Variants in NBAS observed in about 807,000 individuals in gnomAD.
The protein encoded by NBAS is NAG/BC035112 fusion.
Under a neutral mutation model 302.5 loss-of-function variants are expected in NBAS, and 219 were observed. The ratio of observed to expected loss-of-function variants is 0.72; its 90% CI spans 0.65 to 0.81. The LOEUF is 0.81. Among genes scored for constraint, NBAS ranks in the 30% least tolerant of loss-of-function variants. The pLI, the probability that NBAS is intolerant of heterozygous loss-of-function variation, is 0.00. For missense variants in NBAS, 2,932 were observed against 2,841.6 expected, an observed-to-expected ratio of 1.03 and a Z score of -0.72; for synonymous variants, 1,118 against 1,021.6, an observed-to-expected ratio of 1.09 and a Z score of -1.80.
At chr2:15,153,313 G>A in the NBAS span, among the ~76,000 whole-genome samples, 1 of 152,202 alleles carries the variant, frequency 6.6e-6, no homozygotes, top group Non-Finnish European at 1.5e-5. Context: ...AGAATGAACT[G>A]CACAATGTGC....
chr2:14,784,272 G>C, the NBAS span, among the ~76,000 whole-genome samples: 1 of 152,162 alleles, frequency 6.6e-6, no homozygotes, highest in Non-Finnish European at 1.5e-5. Flanking sequence ...TAGGTTGCCT[G>C]TTCACTCTGA....
At chr2:15,280,424 T>C (rs551648193) in intron 42 of NBAS, among the ~76,000 whole-genome samples, 65 of 151,782 alleles carry the variant, frequency 4.3e-4, no homozygotes, top group African/African-American at 1.5e-3. Context: ...ATAAAGAGGA[T>C]GGGGAAGGGC....
At chr2:14,941,870 T>C in the NBAS span, among the ~76,000 whole-genome samples, 2 of 152,184 alleles carry the variant, frequency 1.3e-5, no homozygotes, top group Non-Finnish European at 1.5e-5. Context: ...GCAAACATAA[T>C]ACCCACAGAG....
chr2:14,794,250 C>T, the NBAS span, among the ~76,000 whole-genome samples: 2 of 152,200 alleles, frequency 1.3e-5, no homozygotes, highest in East Asian at 3.9e-4. Flanking sequence ...GTCCGCTGGG[C>T]GCGCATCCTT....
chr2:15,493,280 A>C (rs955967820), intron 11 of NBAS, among the ~76,000 whole-genome samples: 24 of 152,206 alleles, frequency 1.6e-4, no homozygotes, highest in African/African-American at 5.8e-4. Context: ...TCTTTATAGC[A>C]GTGTGAAAAT....
chr2:14,791,811 A>AATAC, the NBAS span, among the ~76,000 whole-genome samples: 1 of 134,930 alleles, frequency 7.4e-6, no homozygotes, highest in Non-Finnish European at 1.7e-5. Context: ...CTCATAAATA[A>AATAC]ATAAATAAAT....
chr2:15,237,832 G>A (rs1319506823), intron 45 of NBAS, among the ~76,000 whole-genome samples: 3 of 148,166 alleles, frequency 2.0e-5, no homozygotes, highest in African/African-American at 7.4e-5. Context: ...TGGAGTGCAG[G>A]GGCGTGATCT....
the NBAS span, among the ~76,000 whole-genome samples, chr2:14,915,092 G>C: frequency 6.6e-6 from 1 of 152,246 alleles, no homozygotes; most frequent in Non-Finnish European, 1.5e-5. Context: ...GAGCACCAAG[G>C]CTTCCAGTGA....
At chr2:14,966,795 T>C in the NBAS span, among the ~76,000 whole-genome samples, 1 of 152,004 alleles carries the variant, frequency 6.6e-6, no homozygotes, top group South Asian at 2.1e-4. Context: ...AGAAGTCCTC[T>C]TTAGGGCAAT....
At chr2:15,087,574 A>C in the NBAS span, among the ~76,000 whole-genome samples, 1 of 152,222 alleles carries the variant, frequency 6.6e-6, no homozygotes, top group African/African-American at 2.4e-5. Context: ...GTTCTCAGAG[A>C]ACTCGTCAGC....
chr2:15,413,097 C>G (rs1211855007), intron 25 of NBAS, among the ~76,000 whole-genome samples: 2 of 152,216 alleles, frequency 1.3e-5, no homozygotes, highest in Non-Finnish European at 2.9e-5. Context: ...AAACCCTAAC[C>G]CATTCCTTTA....
At chr2:14,854,447 A>G in the NBAS span, among the ~76,000 whole-genome samples, 1 of 152,154 alleles carries the variant, frequency 6.6e-6, no homozygotes, top group Admixed American at 6.5e-5. Context: ...TACACAGAAA[A>G]AAAACCCCTT....
chr2:15,288,428 G>C (rs372672621), intron 41 of NBAS, among the ~76,000 whole-genome samples: 167 of 152,288 alleles, frequency 1.1e-3, no homozygotes, highest in African/African-American at 3.3e-3. Flanking sequence ...AGGGAGAAGA[G>C]CCTTCTGAGA....
chr2:15,545,826 G>A (rs1664080274), intron 6 of NBAS, among the ~76,000 whole-genome samples: 1 of 152,214 alleles, frequency 6.6e-6, no homozygotes, highest in Admixed American at 6.5e-5. Context: ...CCAGGAAGAT[G>A]TTACAAAAGA....
At chr2:14,819,240 G>A in the NBAS span, among the ~76,000 whole-genome samples, 1 of 152,320 alleles carries the variant, frequency 6.6e-6, no homozygotes, top group East Asian at 1.9e-4. Flanking sequence ...ATGAAAGGAA[G>A]ACTTTTGTAG....
the NBAS span, among the ~76,000 whole-genome samples, chr2:15,082,710 C>A: frequency 4.6e-5 from 7 of 152,196 alleles, no homozygotes; most frequent in Non-Finnish European, 1.0e-4. Context: ...CTCACTTCCC[C>A]AAACTTAGAG....
chr2:15,260,504 C>T (rs1668799816), intron 44 of NBAS, among the ~76,000 whole-genome samples: 1 of 152,052 alleles, frequency 6.6e-6, no homozygotes, highest in South Asian at 2.1e-4. Flanking sequence ...ACCCAACCAA[C>T]TGGCCAATGG....
the NBAS span, among the ~76,000 whole-genome samples, chr2:14,960,106 C>T: frequency 2.0e-5 from 3 of 152,166 alleles, no homozygotes; most frequent in Non-Finnish European, 2.9e-5. Context: ...CATCATCTGC[C>T]ATATGGAACA....
At chr2:15,105,037 A>C in the NBAS span, among the ~76,000 whole-genome samples, 2 of 152,186 alleles carry the variant, frequency 1.3e-5, no homozygotes, top group African/African-American at 4.8e-5. Context: ...CTGGATAAAA[A>C]AAAAATGTGA....
Sources: gnomAD v4.1 joint callset for allele counts (sites outside exome capture counted in the v4.1 genomes callset) on GRCh38, gnomAD v4.1.1 for gene constraint, MANE v1.5 for transcripts, NCBI Gene and HGNC (gene_info 2026-07-23, HGNC 2026-07-21) for gene names.